ABCC11: variants seen among roughly 807,000 people sequenced by gnomAD.
ABCC11 encodes the protein ATP-binding cassette sub-family C member 11.
Under a neutral mutation model 149.3 loss-of-function variants are expected in ABCC11, and 135 were observed. The ratio of observed to expected loss-of-function variants is 0.90; its 90% CI spans 0.79 to 1.04. The LOEUF (loss-of-function observed/expected upper bound fraction) is 1.04, where lower values mean the gene tolerates loss of function less well. ABCC11 is among the 50% of genes least tolerant of loss of function. The pLI is 0.00. For missense variants in ABCC11, 1,680 were observed against 1,722.1 expected (o/e 0.98, Z 0.43); for synonymous variants, 665 against 671.4 (o/e 0.99, Z 0.15).
rs147167633 is a variant in ABCC11, at chr16:48,230,484, C to T, written c.189G>A (p.Lys63=). The T allele has an allele frequency of 2.0e-4, 323 of 1,612,658 alleles. 1 individual carries two copies. In the African/African-American group the frequency reaches 3.7e-3, roughly 18 times the overall value. ...PGRAAVPPWG[K]YDAALRTMIP... is the part of the protein sequence containing the mutation. ...TCATGGTTCTCAAGGCAGCATCATA[C>T]TTCCCCCACGGTGGGACAGCTGCCC... The change falls in exon 3 of 30, where the codon AAG becomes AAA. Residue 63 remains lysine, a synonymous_variant. Transcript: ENST00000356608.
Position 48,224,446 on chromosome 16 carries a change from T to C in ABCC11, c.396-17A>G. 4 of 1,612,724 alleles carry C rather than the reference T, an allele frequency of 2.5e-6. No homozygotes were observed. Among genetic ancestry groups the C allele is most frequent in the Non-Finnish European group, 2.5e-6 (3 of 1,179,462 alleles). On this transcript the variant is annotated splice_polypyrimidine_tract_variant and intron_variant, in intron 4 of 29. Coordinates refer to ENST00000356608, the MANE Select transcript of ABCC11 (RefSeq NM_001370497.1). ...CGGTGAAGCCTTGAAAAGAGGATAA[T>C]GGAACTGGTGGAATCTCTTTGCATG... is the stretch of plus-strand genomic sequence containing the variant.
intron 6 of ABCC11, among the ~76,000 whole-genome samples, chr16:48,219,253 TA>T (rs56813779): frequency 0.027 from 3,995 of 149,722 alleles, 176 homozygotes; most frequent in African/African-American, 0.092. Context: ...CACTGCAACC[TA>T]TGCCTTCTGG....
At position 48,224,277 on chromosome 16, in the gene ABCC11, C is replaced by G. The variant is rs1160389949; in HGVS notation, c.543+5G>C. The G allele has an allele frequency of 1.2e-6, 2 of 1,613,642 alleles. No homozygotes were observed. The highest frequency in any genetic ancestry group is 1.7e-6 in the Non-Finnish European group (2 of 1,179,914). On this transcript the variant is annotated splice_donor_5th_base_variant and intron_variant, in intron 5 of 29. Transcript: ENST00000356608. Reference sequence around the variant, plus strand: ...CCCCCAAACCTCACCAAGTCTGCCACTTACTGGCCCGAGTACACTGGCAAT... The same window carrying G: ...CCCCCAAACCTCACCAAGTCTGCCAGTTACTGGCCCGAGTACACTGGCAAT...
intron 1 of ABCC11, among the ~76,000 whole-genome samples, chr16:48,241,563 C>T (rs912833483): frequency 1.3e-5 from 2 of 152,124 alleles, no homozygotes; most frequent in Non-Finnish European, 2.9e-5. Context: ...TCATATAGAA[C>T]CAAAAAAGAG....
chr16:48,217,661 A>G (rs1344708224), intron 6 of ABCC11, among the ~76,000 whole-genome samples: 5 of 152,200 alleles, frequency 3.3e-5, no homozygotes, highest in Admixed American at 6.5e-5. Context: ...ACAATTCACT[A>G]ATGTTTTCTA....
chr16:48,204,204 T>C (rs1968241860), intron 13 of ABCC11, among the ~76,000 whole-genome samples: 1 of 152,180 alleles, frequency 6.6e-6, no homozygotes, highest in Admixed American at 6.5e-5. Context: ...TTAACAGATA[T>C]TGCAAAATTT....
intron 12 of ABCC11, among the ~76,000 whole-genome samples, chr16:48,207,688 G>A (rs1290239964): frequency 2.0e-5 from 3 of 151,658 alleles, no homozygotes; most frequent in Non-Finnish European, 4.4e-5. Context: ...GGGAAGGGAA[G>A]GGAAGGAAAG....
At chr16:48,183,091 G>T (rs755235186) in intron 23 of ABCC11, among the ~76,000 whole-genome samples, 1 of 152,198 alleles carries the variant, frequency 6.6e-6, no homozygotes, top group Non-Finnish European at 1.5e-5. Context: ...TAAGTAACTT[G>T]GCCATGTTCC....
intron 1 of ABCC11, among the ~76,000 whole-genome samples, chr16:48,243,358 C>T (rs1357265649): frequency 5.4e-5 from 8 of 147,464 alleles, no homozygotes; most frequent in East Asian, 2.0e-4. Flanking sequence ...GCCGAGATCT[C>T]GCCACTACAC....
chr16:48,200,040 C>A (rs1967810123), intron 15 of ABCC11, among the ~76,000 whole-genome samples: 1 of 152,078 alleles, frequency 6.6e-6, no homozygotes, highest in Admixed American at 6.6e-5. Flanking sequence ...ATAAAGGAGA[C>A]CATAAAATTT....
rs1965386261 is a variant in ABCC11, at chr16:48,167,270, C to T, written c.*4G>A. The T allele has an allele frequency of 1.2e-6, 1 of 805,918 alleles. No individual in the cohort carries two copies. Among genetic ancestry groups the T allele is most frequent in the African/African-American group, 1.7e-5 (1 of 59,518 alleles). The allele number at this position is 805,918 out of a possible 1,614,324, so 49.9% of individuals were successfully genotyped here. Reference sequence around the variant, plus strand: ...GCCAGCCTCCATGAAGTCTCCACATCTCCTTATCTCAGTGAAGAAGTGGCT... The same window carrying T: ...GCCAGCCTCCATGAAGTCTCCACATTTCCTTATCTCAGTGAAGAAGTGGCT... On this transcript the variant is annotated 3_prime_UTR_variant, in exon 30 of 30. Coordinates refer to ENST00000356608, the MANE Select transcript of ABCC11 (RefSeq NM_001370497.1).
chr16:48,181,737 A>G (rs1376849029), intron 23 of ABCC11, among the ~76,000 whole-genome samples: 1 of 151,906 alleles, frequency 6.6e-6, no homozygotes, highest in Admixed American at 6.6e-5. Context: ...CAGCCTCCTG[A>G]GTAGCTGGGA....
chr16:48,208,492 A>G lies in ABCC11; in HGVS notation c.1613T>C (p.Met538Thr). 6.2e-7 allele frequency: 1 copy of G among 1,614,086 alleles called. No individual in the cohort carries two copies. The highest frequency in any genetic ancestry group is 1.1e-5 in the South Asian group (1 of 91,074). Reference sequence around the variant, plus strand: ...CGTGTTGCCGCAGACCCCTAACATCATCCCCTGCAAGCCAAGGAGGACATA... The same window carrying G: ...CGTGTTGCCGCAGACCCCTAACATCGTCCCCTGCAAGCCAAGGAGGACATA... ...HKINLVVSKG[M>T]MLGVCGNTGS... Residue 538 changes from methionine (M) to threonine (T), a missense_variant, in exon 12 of 30, where the codon ATG becomes ACG. Coordinates refer to ENST00000356608, the MANE Select transcript of ABCC11 (RefSeq NM_001370497.1).
rs139677111 is a variant in ABCC11 at position 48,178,628 on chromosome 16, G to T, written c.3317C>A (p.Thr1106Lys). 1 of 1,613,974 alleles carries T rather than the reference G, an allele frequency of 6.2e-7. No individual in the cohort carries two copies. The highest frequency in any genetic ancestry group is 8.5e-7 in the Non-Finnish European group (1 of 1,180,016). Residue 1106 changes from threonine to lysine, a missense_variant, in exon 24 of 30, where the codon ACG becomes AAG. Transcript: ENST00000356608. ...RIGLETEAQF[T>K]AVERILQYMK... ...GTACTGCAGTATCCTCTCTACAGCC[G>T]TGAACTGTGCCTCTGTCTCCAAGCC...
At chr16:48,192,894 G>A (rs1967054410) in intron 19 of ABCC11, among the ~76,000 whole-genome samples, 177 bp from the exon 20 acceptor site, 1 of 152,196 alleles carries the variant, frequency 6.6e-6, no homozygotes, top group Non-Finnish European at 1.5e-5. Flanking sequence ...CCACTGCCCT[G>A]CCCTGCATCA....
At chr16:48,167,792 A>T (rs76703880) in intron 28 of ABCC11, 132 bp from the exon 29 acceptor site, 95,743 of 1,061,114 alleles carry the variant, frequency 0.09, 5,133 homozygotes, top group Middle Eastern at 0.12. Context: ...GAAATGGGAG[A>T]ATTATGCCGA....
At chr16:48,240,692 G>A (rs1970922395) in intron 1 of ABCC11, among the ~76,000 whole-genome samples, 1 of 151,738 alleles carries the variant, frequency 6.6e-6, no homozygotes, top group Non-Finnish European at 1.5e-5. Context: ...TATTAGGTTG[G>A]TGCAAAAGTA....
intron 1 of ABCC11, among the ~76,000 whole-genome samples, chr16:48,240,352 G>C (rs1970904682): frequency 6.6e-6 from 1 of 152,200 alleles, no homozygotes; most frequent in African/African-American, 2.4e-5. Flanking sequence ...CCATGAAAAG[G>C]AATGAGATTA....
intron 13 of ABCC11, 150 bp downstream of exon 13, chr16:48,205,263 G>T: frequency 1.6e-6 from 2 of 1,234,368 alleles, no homozygotes; most frequent in East Asian, 2.5e-5. Flanking sequence ...TGATATGATG[G>T]TATTTCTTTC....
Sources: gnomAD v4.1 joint callset for allele counts (sites outside exome capture counted in the v4.1 genomes callset) on GRCh38, gnomAD v4.1.1 for gene constraint, MANE v1.5 for transcripts, NCBI Gene and HGNC (gene_info 2026-07-23, HGNC 2026-07-21) for gene names.